The following RBMS1 variants were observed in gnomAD, a reference collection of about 807,000 sequenced individuals.
The protein encoded by RBMS1 is RNA binding motif single stranded interacting protein 1.
A neutral mutation model predicts 62.3 loss-of-function variants in RBMS1; 17 were observed. The observed-to-expected ratio is 0.27, with a 90% CI of 0.19 to 0.41. The LOEUF is 0.41. Among genes scored for constraint, RBMS1 ranks in the 10% least tolerant of loss-of-function variants. The probability of loss-of-function intolerance (pLI) is 1.00; values close to 1 mark genes in which losing one functional copy is unlikely to be tolerated. For missense variants in RBMS1, 334 were observed against 504.5 expected (o/e 0.66, Z 3.24); for synonymous variants, 172 against 170.0 (o/e 1.01, Z -0.09).
At chr2:160,310,734 G>A (rs1689806531) in intron 4 of RBMS1, among the ~76,000 whole-genome samples, 1 of 152,116 alleles carries the variant, frequency 6.6e-6, no homozygotes, top group Non-Finnish European at 1.5e-5. Flanking sequence ...CTTATACAAT[G>A]CCGGGTTACC....
chr2:160,320,424 G>C (rs1261786813), intron 2 of RBMS1, among the ~76,000 whole-genome samples: 1 of 152,180 alleles, frequency 6.6e-6, no homozygotes, highest in Non-Finnish European at 1.5e-5. Flanking sequence ...AGTGAGCCAT[G>C]ATCTCGTCAC....
intron 6 of RBMS1, among the ~76,000 whole-genome samples, chr2:160,296,980 C>T (rs1404745559): frequency 1.3e-5 from 2 of 152,074 alleles, no homozygotes; most frequent in East Asian, 3.9e-4. Flanking sequence ...AAACAGGTGG[C>T]CAGGGTAGCA....
intron 1 of RBMS1, among the ~76,000 whole-genome samples, chr2:160,478,254 A>G (rs185857099): frequency 2.6e-5 from 4 of 152,362 alleles, no homozygotes; most frequent in Admixed American, 1.3e-4. Flanking sequence ...AGAATTCACC[A>G]GTTATGGTCA....
At chr2:160,481,791 T>A (rs1685383607) in intron 1 of RBMS1, among the ~76,000 whole-genome samples, 1 of 152,146 alleles carries the variant, frequency 6.6e-6, no homozygotes. Context: ...AAAATGCAAA[T>A]TAAAACCACA....
chr2:160,282,152 T>G, intron 9 of RBMS1: 2 of 1,089,072 alleles, frequency 1.8e-6, no homozygotes, highest in South Asian at 2.5e-5. Context: ...TTTCCAATTC[T>G]TAACAACAAA....
At chr2:160,372,902 A>G (rs1693802188) in intron 1 of RBMS1, among the ~76,000 whole-genome samples, 2 of 152,198 alleles carry the variant, frequency 1.3e-5, no homozygotes, top group South Asian at 4.1e-4. Context: ...TAGCTACTAG[A>G]TTAATGAAGA....
chr2:160,293,610 G>A (rs1478717596), intron 6 of RBMS1, among the ~76,000 whole-genome samples: 7 of 152,166 alleles, frequency 4.6e-5, no homozygotes, highest in Non-Finnish European at 1.0e-4. Flanking sequence ...TTCAGAAAGC[G>A]AGATGGGAAA....
At position 160,287,191 on chromosome 2, in the gene RBMS1, AC is replaced by A. The variant is rs1222479125; in HGVS notation, c.641-108del. 4.1e-6 allele frequency: 6 copies of A among 1,461,520 alleles called. No individual in the cohort carries two copies. In the African/African-American group the frequency reaches 8.4e-5, roughly 20 times the overall value. The allele number at this position is 1,461,520 out of a possible 1,614,324, so 90.5% of individuals were successfully genotyped here. A position where few individuals can be genotyped will look rare whatever the true frequency, so the allele number is the denominator to read the frequency against. On this transcript the variant is annotated intron_variant, in intron 6 of 13. Coordinates refer to ENST00000348849, the MANE Select transcript of RBMS1 (RefSeq NM_016836.4). ...GTGTTCACGCTATTAGAAAATTCAT[AC>A]AACACTTTAAGGCAAAAGCAGTTTA...
intron 1 of RBMS1, among the ~76,000 whole-genome samples, chr2:160,448,823 G>A (rs1417784295): frequency 6.6e-6 from 1 of 151,508 alleles, no homozygotes; most frequent in African/African-American, 2.4e-5. Context: ...GCCTCTTCCC[G>A]GCCGCCATCC....
intron 1 of RBMS1, among the ~76,000 whole-genome samples, chr2:160,452,965 C>T (rs944233291): frequency 2.0e-5 from 3 of 152,170 alleles, no homozygotes; most frequent in Non-Finnish European, 2.9e-5. Flanking sequence ...GCCTTAGTAT[C>T]TTCATCTGTA....
intron 1 of RBMS1, among the ~76,000 whole-genome samples, chr2:160,440,403 T>G (rs1329961118): frequency 6.6e-6 from 1 of 152,108 alleles, no homozygotes; most frequent in Non-Finnish European, 1.5e-5. Flanking sequence ...CAGCTCCACC[T>G]TCAGCATACA....
intron 1 of RBMS1, among the ~76,000 whole-genome samples, chr2:160,369,579 C>A (rs1693608927): frequency 6.6e-6 from 1 of 152,156 alleles, no homozygotes; most frequent in Non-Finnish European, 1.5e-5. Context: ...AGAAACCATC[C>A]CTGACACAAG....
chr2:160,403,478 C>T (rs1372655087), intron 1 of RBMS1, among the ~76,000 whole-genome samples: 1 of 152,202 alleles, frequency 6.6e-6, no homozygotes, highest in Non-Finnish European at 1.5e-5. Flanking sequence ...GTATGTCATC[C>T]TCTAAACAAG....
intron 2 of RBMS1, among the ~76,000 whole-genome samples, chr2:160,356,336 A>C (rs1318399433): frequency 6.6e-6 from 1 of 152,132 alleles, no homozygotes; most frequent in Non-Finnish European, 1.5e-5. Flanking sequence ...TCAAGTGGAC[A>C]TAAGAAAAGG....
chr2:160,400,977 T>G (rs1051869751), intron 1 of RBMS1, among the ~76,000 whole-genome samples: 1 of 152,210 alleles, frequency 6.6e-6, no homozygotes, highest in Non-Finnish European at 1.5e-5. Flanking sequence ...TACAATTTTC[T>G]AGGTTTCGTT....
Position 160,344,867 on chromosome 2 carries a change from A to G in RBMS1, c.251+22349T>C, listed in dbSNP as rs75190067. Among the ~76,000 whole-genome samples, 1,317 of 152,264 alleles carry G rather than the reference A, an allele frequency of 8.6e-3. 14 individuals are homozygous for G. Among genetic ancestry groups the G allele is most frequent in the African/African-American group, 0.031 (1,271 of 41,558 alleles). ...AATAAAAGCTTATTAAACTGGACCT[A>G]GTATACAATAACTCCCCAGACTAAA... On this transcript the variant is annotated intron_variant, in intron 2 of 13. Coordinates refer to ENST00000348849, the MANE Select transcript of RBMS1 (RefSeq NM_016836.4).
chr2:160,335,065 A>G (rs967074327), intron 2 of RBMS1, among the ~76,000 whole-genome samples: 4 of 152,186 alleles, frequency 2.6e-5, no homozygotes, highest in African/African-American at 7.2e-5. Flanking sequence ...AAAGAGGATG[A>G]TATGTTTAGA....
intron 1 of RBMS1, among the ~76,000 whole-genome samples, chr2:160,407,147 A>C (rs1695769047): frequency 6.6e-6 from 1 of 152,148 alleles, no homozygotes; most frequent in African/African-American, 2.4e-5. Context: ...TCCGCTACAC[A>C]CAAAGGTTTT....
At chr2:160,423,268 G>GT (rs1189804415) in intron 1 of RBMS1, among the ~76,000 whole-genome samples, 1 of 146,142 alleles carries the variant, frequency 6.8e-6, no homozygotes, top group African/African-American at 2.5e-5. Context: ...TACTATAAAA[G>GT]TAATACATTA....
Sources: gnomAD v4.1 joint callset for allele counts (sites outside exome capture counted in the v4.1 genomes callset) on GRCh38, gnomAD v4.1.1 for gene constraint, MANE v1.5 for transcripts, NCBI Gene and HGNC (gene_info 2026-07-23, HGNC 2026-07-21) for gene names.